PRELID2: variants seen among roughly 807,000 people sequenced by gnomAD.
PRELID2 encodes PRELI domain-containing protein 2.
A neutral mutation model predicts 28.4 loss-of-function variants in PRELID2; 25 were observed. The ratio of observed to expected loss-of-function variants is 0.88; its 90% confidence interval spans 0.64 to 1.23. PRELID2 has a LOEUF of 1.23. PRELID2 is among the 50% of genes most tolerant of loss of function. The pLI, the probability that PRELID2 is intolerant of heterozygous loss-of-function variation, is 0.00. For missense variants in PRELID2, 201 were observed against 214.4 expected (o/e 0.94, Z 0.39); for synonymous variants, 76 against 71.6 (o/e 1.06, Z -0.31).
At chr5:145,516,242 C>T (rs1008978786) in intron 1 of PRELID2, among the ~76,000 whole-genome samples, 5 of 152,154 alleles carry the variant, frequency 3.3e-5, no homozygotes, top group Admixed American at 3.3e-4. Context: ...TTAGAAAACC[C>T]CATCGTCTGA....
the PRELID2 span, among the ~76,000 whole-genome samples, chr5:145,315,971 A>G: frequency 0.027 from 4,095 of 152,280 alleles, 178 homozygotes; most frequent in African/African-American, 0.091. Context: ...TACATTTACT[A>G]TTATCTATAC....
At chr5:145,382,662 A>G in the PRELID2 span, among the ~76,000 whole-genome samples, 2 of 152,068 alleles carry the variant, frequency 1.3e-5, no homozygotes, top group East Asian at 3.9e-4. Context: ...TCTAGTACAC[A>G]AAACCAGAGA....
intron 1 of PRELID2, among the ~76,000 whole-genome samples, chr5:145,537,843 T>C (rs915075124): frequency 1.6e-4 from 24 of 152,046 alleles, no homozygotes; most frequent in Non-Finnish European, 3.1e-4. Flanking sequence ...TTTAGTTTGA[T>C]GTAATCCCAT....
chr5:145,586,640 G>T (rs1256495063), intron 1 of PRELID2, among the ~76,000 whole-genome samples: 1 of 151,980 alleles, frequency 6.6e-6, no homozygotes, highest in Non-Finnish European at 1.5e-5. Context: ...AAGCTCCTAT[G>T]GGCATAGACT....
intron 1 of PRELID2, among the ~76,000 whole-genome samples, chr5:145,586,155 C>A (rs1753152748): frequency 6.6e-6 from 1 of 152,006 alleles, no homozygotes; most frequent in Non-Finnish European, 1.5e-5. Flanking sequence ...CAGACAGAAG[C>A]CAAATTGACA....
At chr5:145,693,622 A>T (rs1343205329) in intron 1 of PRELID2, among the ~76,000 whole-genome samples, 1 of 152,110 alleles carries the variant, frequency 6.6e-6, no homozygotes, top group Non-Finnish European at 1.5e-5. Context: ...AAATTTTAAA[A>T]ATTAGCCAGG....
At chr5:145,426,030 C>G in the PRELID2 span, among the ~76,000 whole-genome samples, 1 of 152,072 alleles carries the variant, frequency 6.6e-6, no homozygotes, top group African/African-American at 2.4e-5. Context: ...CCTCCCTTCC[C>G]TCTCTGAATT....
chr5:145,529,202 T>C (rs1752635196), intron 1 of PRELID2, among the ~76,000 whole-genome samples: 1 of 152,124 alleles, frequency 6.6e-6, no homozygotes, highest in Non-Finnish European at 1.5e-5. Flanking sequence ...ACAAGAAAAA[T>C]ATGAAAATCT....
intron 1 of PRELID2, among the ~76,000 whole-genome samples, chr5:145,512,491 C>T (rs2126642002): frequency 1.3e-5 from 2 of 152,290 alleles, no homozygotes; most frequent in East Asian, 3.9e-4. Context: ...GGCAGCAGCC[C>T]CAGTAAGGGG....
At chr5:145,657,414 C>T (rs1252252037) in intron 1 of PRELID2, among the ~76,000 whole-genome samples, 1 of 152,024 alleles carries the variant, frequency 6.6e-6, no homozygotes, top group African/African-American at 2.4e-5. Flanking sequence ...AAATGAGGAT[C>T]GTGGCTCATG....
At chr5:145,425,259 A>T in the PRELID2 span, among the ~76,000 whole-genome samples, 1 of 152,136 alleles carries the variant, frequency 6.6e-6, no homozygotes, top group Non-Finnish European at 1.5e-5. Context: ...AAAAAATAAC[A>T]TGCTGGTTAG....
At chr5:145,727,306 G>T (rs1328365933) in intron 1 of PRELID2, among the ~76,000 whole-genome samples, 2 of 152,096 alleles carry the variant, frequency 1.3e-5, no homozygotes, top group African/African-American at 2.4e-5. Context: ...CCCACGAGGG[G>T]TTTTATGCCC....
chr5:145,790,721 G>GTGTGTGTGTGTA (rs772901344), intron 5 of PRELID2, among the ~76,000 whole-genome samples: 12,572 of 110,564 alleles, frequency 0.11, 753 homozygotes, highest in South Asian at 0.12. Context: ...GTGTGTGTGT[G>GTGTGTGTGTGTA]TATATATATA....
At chr5:145,622,321 T>A (rs1042460906) in intron 1 of PRELID2, among the ~76,000 whole-genome samples, 3 of 152,148 alleles carry the variant, frequency 2.0e-5, no homozygotes, top group African/African-American at 7.2e-5. Context: ...GTAAATTGTA[T>A]GATATGTGAC....
At chr5:145,433,898 T>A in the PRELID2 span, among the ~76,000 whole-genome samples, 622 of 152,296 alleles carry the variant, frequency 4.1e-3, 2 homozygotes, top group African/African-American at 0.014. Context: ...TTCCCTATGT[T>A]GAATTCTCTC....
chr5:145,524,251 C>T (rs1752588052), intron 1 of PRELID2, among the ~76,000 whole-genome samples: 1 of 152,188 alleles, frequency 6.6e-6, no homozygotes, highest in Non-Finnish European at 1.5e-5. Context: ...CATGGGTTGG[C>T]CCCAAGAGAT....
the PRELID2 span, among the ~76,000 whole-genome samples, chr5:145,443,459 A>G: frequency 2.0e-5 from 3 of 152,078 alleles, no homozygotes; most frequent in Admixed American, 2.0e-4. Flanking sequence ...AGAACGCTCA[A>G]TTGGCCAAGC....
chr5:145,584,080 CAAAAACAGACACATAGACCAACGGAACAG>C (rs1331193296), intron 1 of PRELID2, among the ~76,000 whole-genome samples: 1 of 152,016 alleles, frequency 6.6e-6, no homozygotes, highest in Non-Finnish European at 1.5e-5. Flanking sequence ...GGTGCTGGTA[CAAAAACAGACACATAGACCAACGGAACAG>C]AATAGAGAGT....
intron 1 of PRELID2, among the ~76,000 whole-genome samples, chr5:145,583,532 C>A (rs559983137): frequency 3.7e-4 from 56 of 152,110 alleles, no homozygotes; most frequent in Non-Finnish European, 6.2e-4. Flanking sequence ...GATTCTATAT[C>A]TAGAAAACCC....
Sources: allele counts gnomAD v4.1 joint callset (sites outside exome capture counted in the v4.1 genomes callset), GRCh38; gene constraint gnomAD v4.1.1; transcripts MANE v1.5; gene names NCBI Gene and HGNC (gene_info 2026-07-23, HGNC 2026-07-21).